The following CD96 variants were observed in gnomAD, a reference collection of about 807,000 sequenced individuals.
The protein encoded by CD96 is CD96 molecule.
In CD96, 70 loss-of-function variants were observed where a neutral mutation model predicts 71.3. The ratio of observed to expected loss-of-function variants is 0.98; its 90% CI spans 0.81 to 1.20. CD96 has a LOEUF of 1.20. Among genes scored for constraint, CD96 ranks in the 50% most tolerant of loss-of-function variants. The pLI, the probability that CD96 is intolerant of heterozygous loss-of-function variation, is 0.00. For synonymous variants in CD96, 248 were observed against 233.0 expected (o/e 1.06, Z -0.59); for missense variants, 742 against 677.5 (o/e 1.10, Z -1.06).
At chr3:111,665,351 G>A (rs1015203662) in intron 14 of CD96, among the ~76,000 whole-genome samples, 20 of 152,082 alleles carry the variant, frequency 1.3e-4, no homozygotes, top group Non-Finnish European at 2.2e-4. Flanking sequence ...TTCCAAGACT[G>A]CAACCTTTTT....
chr3:111,562,645 A>C (rs1438311134), intron 2 of CD96, among the ~76,000 whole-genome samples: 1 of 152,256 alleles, frequency 6.6e-6, no homozygotes, highest in Non-Finnish European at 1.5e-5. Flanking sequence ...TTATGCTCAA[A>C]TACTTAAATC....
At chr3:111,647,990 T>G (rs995628168) in intron 13 of CD96, among the ~76,000 whole-genome samples, 1 of 152,166 alleles carries the variant, frequency 6.6e-6, no homozygotes, top group Non-Finnish European at 1.5e-5. Context: ...TCTTCATTAT[T>G]TTTTCATTTT....
chr3:111,553,958 G>A (rs1173239402), intron 2 of CD96, among the ~76,000 whole-genome samples: 1 of 151,786 alleles, frequency 6.6e-6, no homozygotes, highest in Non-Finnish European at 1.5e-5. Flanking sequence ...AATGCAGCAT[G>A]TTTCTTATTT....
chr3:111,584,449 C>T (rs1464364135), intron 4 of CD96, among the ~76,000 whole-genome samples: 1 of 152,124 alleles, frequency 6.6e-6, no homozygotes, highest in Non-Finnish European at 1.5e-5. Flanking sequence ...CAGCAACACT[C>T]GACTGTACTG....
At chr3:111,552,807 G>A (rs542469092) in intron 2 of CD96, among the ~76,000 whole-genome samples, 2 of 152,178 alleles carry the variant, frequency 1.3e-5, no homozygotes, top group South Asian at 4.2e-4. Flanking sequence ...TGACAATACT[G>A]GTACTGGAGA....
intron 4 of CD96, among the ~76,000 whole-genome samples, chr3:111,580,755 G>T (rs1356647930): frequency 6.6e-6 from 1 of 151,886 alleles, no homozygotes; most frequent in Non-Finnish European, 1.5e-5. Context: ...TGATGATCAG[G>T]TTCCTTACGG....
At chr3:111,609,308 C>T (rs1576385071) in intron 8 of CD96, among the ~76,000 whole-genome samples, 2 of 152,074 alleles carry the variant, frequency 1.3e-5, no homozygotes, top group East Asian at 3.9e-4. Context: ...CAAATGCTAT[C>T]CTTTATGAAA....
chr3:111,556,451 G>C (rs59246574), intron 2 of CD96, among the ~76,000 whole-genome samples: 9,108 of 114,748 alleles, frequency 0.079, 426 homozygotes, highest in African/African-American at 0.092. Flanking sequence ...GAGAATATGC[G>C]GTGTTTGGTT....
chr3:111,575,371 A>G (rs1936174957), intron 3 of CD96, among the ~76,000 whole-genome samples: 1 of 152,236 alleles, frequency 6.6e-6, no homozygotes, highest in Admixed American at 6.5e-5. Context: ...GAAGTTAGGG[A>G]AAATCCATGG....
At chr3:111,598,766 A>G (rs561145308) in intron 6 of CD96, among the ~76,000 whole-genome samples, 3 of 152,198 alleles carry the variant, frequency 2.0e-5, no homozygotes, top group Non-Finnish European at 4.4e-5. Flanking sequence ...GGAGGAACAC[A>G]CATCAAGACA....
chr3:111,638,189 T>G (rs774145627), intron 12 of CD96, 21 bp downstream of exon 12: 3 of 1,410,272 alleles, frequency 2.1e-6, no homozygotes, highest in Non-Finnish European at 2.0e-6. Context: ...TATCCTATTT[T>G]GGGGGATTTT....
At chr3:111,561,560 G>C (rs1935408650) in intron 2 of CD96, among the ~76,000 whole-genome samples, 1 of 147,750 alleles carries the variant, frequency 6.8e-6, no homozygotes, top group African/African-American at 2.5e-5. Flanking sequence ...GAGGCAGTCT[G>C]CCGGTTCTCA....
chr3:111,607,836 CT>C (rs1159459632), intron 8 of CD96, among the ~76,000 whole-genome samples: 1 of 152,124 alleles, frequency 6.6e-6, no homozygotes, highest in East Asian at 1.9e-4. Flanking sequence ...TTCTTTTCTT[CT>C]TTTTTTGAAG....
chr3:111,575,001 C>T (rs962536068), intron 3 of CD96, among the ~76,000 whole-genome samples: 6 of 152,012 alleles, frequency 3.9e-5, no homozygotes, highest in African/African-American at 7.2e-5. Context: ...ACCATGTTTC[C>T]CAGGCTGGTC....
chr3:111,595,222 T>G (rs1398851301), intron 5 of CD96: 2 of 152,592 alleles, frequency 1.3e-5, no homozygotes, highest in African/African-American at 4.8e-5. Context: ...TTTCTTAAAC[T>G]AATGAGAGCT....
At chr3:111,549,705 A>C (rs1934598777) in intron 2 of CD96, among the ~76,000 whole-genome samples, 1 of 152,148 alleles carries the variant, frequency 6.6e-6, no homozygotes, top group Admixed American at 6.6e-5. Flanking sequence ...AAGGAATAAA[A>C]AGCAGCGTCA....
chr3:111,645,426 T>C (rs909213612), intron 12 of CD96, among the ~76,000 whole-genome samples: 4 of 152,128 alleles, frequency 2.6e-5, no homozygotes, highest in Non-Finnish European at 5.9e-5. Context: ...CACTGTATAC[T>C]GCTTGGGTGT....
intron 2 of CD96, among the ~76,000 whole-genome samples, chr3:111,546,866 C>T (rs1934422027): frequency 7.0e-6 from 1 of 143,758 alleles, no homozygotes; most frequent in Admixed American, 7.2e-5. Context: ...TGCCCAATTC[C>T]CTTGCTGTTT....
At chr3:111,614,661 C>T (rs141007093) in intron 8 of CD96, among the ~76,000 whole-genome samples, 192 of 152,198 alleles carry the variant, frequency 1.3e-3, no homozygotes, top group Non-Finnish European at 1.4e-3. Flanking sequence ...GAAAAATGTG[C>T]ACCTTTGCCT....
Sources: gnomAD v4.1 joint callset for allele counts (sites outside exome capture counted in the v4.1 genomes callset) on GRCh38, gnomAD v4.1.1 for gene constraint, MANE v1.5 for transcripts, NCBI Gene and HGNC (gene_info 2026-07-23, HGNC 2026-07-21) for gene names.